Variants in VPS13C observed in about 807,000 individuals in gnomAD.
VPS13C encodes the protein vacuolar protein sorting 13 homolog C.
A neutral mutation model predicts 456.8 loss-of-function variants in VPS13C; 358 were observed. That is an observed-to-expected ratio of 0.78 (90% CI 0.72 to 0.86). The LOEUF (loss-of-function observed/expected upper bound fraction) is 0.86. VPS13C is among the 40% of genes least tolerant of loss of function. The pLI is 0.00. For synonymous variants in VPS13C, 1,578 were observed against 1,486.7 expected (o/e 1.06, Z -1.41); for missense variants, 4,818 against 4,385.4 (o/e 1.10, Z -2.79).
chr15:61,997,177 G>T (rs891947022), intron 16 of VPS13C, among the ~76,000 whole-genome samples: 1 of 152,050 alleles, frequency 6.6e-6, no homozygotes, highest in African/African-American at 2.4e-5. Flanking sequence ...AAAATCAGGT[G>T]CATCTGTCAC....
intron 53 of VPS13C, among the ~76,000 whole-genome samples, chr15:61,924,773 CTA>C (rs2043789114): frequency 6.6e-6 from 1 of 152,028 alleles, no homozygotes; most frequent in Admixed American, 6.6e-5. Flanking sequence ...GGTCACGGAC[CTA>C]TATAAGTAAA....
At position 61,869,491 on chromosome 15, in the gene VPS13C, C is replaced by T. The variant is rs1440565490; in HGVS notation, c.10748+9G>A. 2 of 1,613,942 alleles carry T rather than the reference C, an allele frequency of 1.2e-6. No individual in the cohort carries two copies. Among genetic ancestry groups the T allele is most frequent in the Non-Finnish European group, 1.7e-6 (2 of 1,179,910 alleles). On this transcript the variant is annotated intron_variant, in intron 80 of 84. Coordinates refer to ENST00000644861, the MANE Select transcript of VPS13C (RefSeq NM_020821.3). Reference sequence around the variant, plus strand: ...ACACATACCTTGCACATAGTATGTACTCAATTACCTCTGAATGCCTTGGAA... The same window carrying T: ...ACACATACCTTGCACATAGTATGTATTCAATTACCTCTGAATGCCTTGGAA...
intron 38 of VPS13C, among the ~76,000 whole-genome samples, chr15:61,953,101 A>G (rs1405248115): frequency 6.6e-6 from 1 of 152,100 alleles, no homozygotes; most frequent in Non-Finnish European, 1.5e-5. Flanking sequence ...AACGGATCTT[A>G]GAGGAAGTCC....
chr15:61,968,653 A>T lies in VPS13C; in HGVS notation c.2911+646T>A, dbSNP rs150691237. 5.0e-3 allele frequency among the ~76,000 whole-genome samples: 761 copies of T among 152,186 alleles called. 6 individuals carry two copies. The highest frequency in any genetic ancestry group is 0.026 in the South Asian group (125 of 4,828). The stretch of plus-strand genomic sequence containing the variant: ...AATAAACAATCAGAGTTTCTGAAAG[A>T]ACTAACTTTACATCCTATCATTTTT... On this transcript the variant is annotated intron_variant, in intron 28 of 84. Coordinates refer to ENST00000644861, the MANE Select transcript of VPS13C (RefSeq NM_020821.3).
chr15:61,872,676 T>C (rs1018918639), intron 78 of VPS13C, among the ~76,000 whole-genome samples: 8 of 152,118 alleles, frequency 5.3e-5, no homozygotes, highest in African/African-American at 1.9e-4. Flanking sequence ...GAAAGAGAAC[T>C]GATGGATACA....
intron 13 of VPS13C, 50 bp from the exon 14 acceptor site, chr15:62,008,811 A>G (rs2046943034): frequency 8.8e-7 from 1 of 1,134,526 alleles, no homozygotes; most frequent in African/African-American, 1.6e-5. Flanking sequence ...TATATAAAAA[A>G]AAGACTAAAT....
At chr15:61,964,674 A>C in intron 31 of VPS13C, 25 bp downstream of exon 31, 1 of 1,581,026 alleles carries the variant, frequency 6.3e-7, no homozygotes, top group Middle Eastern at 2.2e-4. Flanking sequence ...CTTGCTAACA[A>C]AAAACAAAAA....
intron 5 of VPS13C, 46 bp from the exon 6 acceptor site, chr15:62,028,466 A>G: frequency 6.4e-7 from 1 of 1,567,274 alleles, no homozygotes; most frequent in Non-Finnish European, 8.8e-7. Flanking sequence ...AGCAATTTAA[A>G]GACACCTTTA....
intron 18 of VPS13C, among the ~76,000 whole-genome samples, chr15:61,988,116 AAGAT>A (rs779404161): frequency 2.6e-5 from 4 of 152,348 alleles, no homozygotes; most frequent in Non-Finnish European, 4.4e-5. Flanking sequence ...TGAGCAAAAG[AAGAT>A]AGAAACAAAA....
At chr15:61,859,802 ATC>A (rs1296991894) in intron 82 of VPS13C, among the ~76,000 whole-genome samples, 1 of 151,814 alleles carries the variant, frequency 6.6e-6, no homozygotes, top group Non-Finnish European at 1.5e-5. Flanking sequence ...ATGTAACTTC[ATC>A]TCTGTGTCCC....
At chr15:61,913,617 G>C (rs1566995314) in intron 61 of VPS13C, among the ~76,000 whole-genome samples, 2 of 150,320 alleles carry the variant, frequency 1.3e-5, no homozygotes. Flanking sequence ...GAGAAAGTTT[G>C]AATGAGAAAG....
At chr15:61,983,625 G>C (rs1293775794) in intron 20 of VPS13C, 195 bp downstream of exon 20, 3 of 536,136 alleles carry the variant, frequency 5.6e-6, no homozygotes, top group Non-Finnish European at 9.5e-6. Flanking sequence ...CCTTGGAGTA[G>C]GGAAAAATGT....
intron 5 of VPS13C, among the ~76,000 whole-genome samples, chr15:62,029,455 T>A (rs1320137934): frequency 6.6e-6 from 1 of 152,066 alleles, no homozygotes; most frequent in East Asian, 1.9e-4. Flanking sequence ...ACCTTCACTG[T>A]CTCCTCTACC....
chr15:62,056,604 ACT>A (rs1172438097), intron 1 of VPS13C, among the ~76,000 whole-genome samples: 3 of 151,808 alleles, frequency 2.0e-5, no homozygotes, highest in East Asian at 3.9e-4. Flanking sequence ...TTTAGATAAG[ACT>A]CTGCTCCTCC....
chr15:61,944,158 C>A (rs1404787494), intron 45 of VPS13C, among the ~76,000 whole-genome samples: 2 of 152,082 alleles, frequency 1.3e-5, no homozygotes, highest in Admixed American at 6.6e-5. Flanking sequence ...AGGGAGACTG[C>A]AGAGAGAAGA....
At position 61,882,720 on chromosome 15, in the gene VPS13C, T is replaced by C; in HGVS notation, c.9500A>G (p.Asp3167Gly). Residue 3167 changes from aspartate to glycine, a missense_variant, in exon 69 of 85, where the codon GAT becomes GGT. Physicochemically the swap from Asp to Gly is moderately conservative, Grantham distance 94. This residue lies in a region of VPS13C where 4,552 missense variants were observed against 4,130.6 expected (regional missense o/e 1.10). Coordinates refer to ENST00000644861, the MANE Select transcript of VPS13C (RefSeq NM_020821.3). ...AATAGGGAGGCGCATTTCCATTGGA[T>C]CTTTATCAAAATTGACCTAGAAAAA... ...DNNFEVNFDK[D>G]PMEMRLPIRS... is the part of the protein sequence containing the mutation. 2 of 1,593,484 alleles carry C rather than the reference T, an allele frequency of 1.3e-6. No individual in the cohort carries two copies. The highest frequency in any genetic ancestry group is 1.7e-6 in the Non-Finnish European group (2 of 1,172,226).
intron 24 of VPS13C, among the ~76,000 whole-genome samples, chr15:61,975,396 A>G (rs1170248553): frequency 6.6e-6 from 1 of 152,094 alleles, no homozygotes; most frequent in Non-Finnish European, 1.5e-5. Flanking sequence ...TCAGGAGAAA[A>G]ATAGAAAAGG....
At chr15:61,926,434 A>G (rs772521577) in intron 52 of VPS13C, among the ~76,000 whole-genome samples, 6 of 152,178 alleles carry the variant, frequency 3.9e-5, no homozygotes, top group Non-Finnish European at 8.8e-5. Context: ...GCTAATTGAT[A>G]TAAACTTTTG....
At chr15:61,972,268 T>G (rs921381944) in intron 27 of VPS13C, among the ~76,000 whole-genome samples, 1 of 152,196 alleles carries the variant, frequency 6.6e-6, no homozygotes, top group Admixed American at 6.5e-5. Context: ...AACATGATAA[T>G]GAGCAATATT....
Sources: gnomAD v4.1 joint callset for allele counts (sites outside exome capture counted in the v4.1 genomes callset) on GRCh38, gnomAD v4.1.1 for gene constraint, gnomAD v4.1.1 regional missense constraint, MANE v1.5 for transcripts, NCBI Gene and HGNC (gene_info 2026-07-23, HGNC 2026-07-21) for gene names.